The following RASEF variants were observed in gnomAD, a reference collection of about 807,000 sequenced individuals.
The protein encoded by RASEF is RAS and EF-hand domain containing.
Under a neutral mutation model 90.1 loss-of-function variants are expected in RASEF, and 68 were observed. The observed-to-expected ratio is 0.75, with a 90% confidence interval of 0.62 to 0.92. RASEF has a LOEUF of 0.92. Among genes scored for constraint, RASEF ranks in the 40% least tolerant of loss-of-function variants. RASEF has a pLI of 0.00. For synonymous variants in RASEF, 331 were observed against 345.2 expected, an observed-to-expected ratio of 0.96 and a Z score of 0.46; for missense variants, 949 against 937.2, an observed-to-expected ratio of 1.01 and a Z score of -0.16.
chr9:83,171,723 C>A, the RASEF span, among the ~76,000 whole-genome samples: 830 of 151,834 alleles, frequency 5.5e-3, 5 homozygotes, highest in African/African-American at 0.019. Context: ...TATAGTTGCT[C>A]ATAATAATCT....
the RASEF span, among the ~76,000 whole-genome samples, chr9:83,152,585 G>A: frequency 6.6e-6 from 1 of 152,164 alleles, no homozygotes; most frequent in Non-Finnish European, 1.5e-5. Context: ...AAATGAAAAT[G>A]TTGTATGGGG....
intron 1 of RASEF, 116 bp from the exon 2 acceptor site, chr9:83,026,037 T>G (rs1171251679): frequency 1.3e-6 from 1 of 770,986 alleles, no homozygotes; most frequent in Non-Finnish European, 2.0e-6. Flanking sequence ...AAACCAGCAA[T>G]CACAGAATGA....
the RASEF span, among the ~76,000 whole-genome samples, chr9:83,087,925 A>C: frequency 6.6e-6 from 1 of 152,058 alleles, no homozygotes; most frequent in Non-Finnish European, 1.5e-5. Flanking sequence ...TGCATACCAT[A>C]AGGTTTGGTA....
Position 82,982,460 on chromosome 9 carries a change from C to G in RASEF, c.*217G>C. The G allele has an allele frequency of 2.2e-6, 1 of 453,430 alleles. No individual in the cohort carries two copies. The highest frequency in any genetic ancestry group is 3.7e-5 in the East Asian group (1 of 26,688). 28.1% of individuals were successfully genotyped at this position (453,430 alleles called of 1,614,324 possible). On this transcript the variant is annotated 3_prime_UTR_variant, in exon 17 of 17. Transcript: ENST00000376447. Reference sequence around the variant, plus strand: ...TCTTTTAAGACCTGTAAGGACATGACTAGTCTATTTAGCCAGAGGGCCCAA... The same window carrying G: ...TCTTTTAAGACCTGTAAGGACATGAGTAGTCTATTTAGCCAGAGGGCCCAA...
At position 83,062,772 on chromosome 9, in the gene RASEF, C is replaced by T. The variant is rs1284629911; in HGVS notation, c.96G>A (p.Glu32=). Reference sequence around the variant, plus strand: ...GCAGCTCCGTGCACAGTGCCCGGAACTCCTCGCGCTCCAGGCGCCCCGAGC... The same window carrying T: ...GCAGCTCCGTGCACAGTGCCCGGAATTCCTCGCGCTCCAGGCGCCCCGAGC... The part of the protein sequence containing the change: ...ANRSGRLERE[E]FRALCTELRV... The change falls in exon 1 of 17, where the codon GAG becomes GAA. Residue 32 remains glutamate (E), a synonymous_variant. Transcript: ENST00000376447. 2 of 1,558,796 alleles carry T rather than the reference C, an allele frequency of 1.3e-6. No individual in the cohort carries two copies. Among genetic ancestry groups the T allele is most frequent in the African/African-American group, 1.4e-5 (1 of 72,756 alleles).
the RASEF span, among the ~76,000 whole-genome samples, chr9:83,098,413 G>A: frequency 6.6e-6 from 1 of 152,146 alleles, no homozygotes; most frequent in Non-Finnish European, 1.5e-5. Context: ...ACGATTTTAT[G>A]TGATTTTTCT....
intron 1 of RASEF, among the ~76,000 whole-genome samples, chr9:83,035,220 G>A (rs543695391): frequency 6.6e-6 from 1 of 152,292 alleles, no homozygotes; most frequent in South Asian, 2.1e-4. Context: ...TGGCTTTGCA[G>A]GACATACTAT....
chr9:83,139,665 G>A, the RASEF span, among the ~76,000 whole-genome samples: 1 of 151,958 alleles, frequency 6.6e-6, no homozygotes, highest in South Asian at 2.1e-4. Context: ...TGGCAGAGGC[G>A]GAAGAAAATC....
At chr9:83,176,736 C>A in the RASEF span, among the ~76,000 whole-genome samples, 1 of 151,914 alleles carries the variant, frequency 6.6e-6, no homozygotes, top group African/African-American at 2.4e-5. Flanking sequence ...CAAGTGAGAC[C>A]TATAAATGTT....
chr9:83,074,435 G>A, the RASEF span, among the ~76,000 whole-genome samples: 1 of 152,092 alleles, frequency 6.6e-6, no homozygotes, highest in African/African-American at 2.4e-5. Flanking sequence ...GAATACCTAA[G>A]TTAAAAACCA....
the RASEF span, among the ~76,000 whole-genome samples, chr9:83,156,065 C>T: frequency 2.6e-5 from 4 of 152,208 alleles, no homozygotes; most frequent in Admixed American, 2.6e-4. Flanking sequence ...ATGTCACAAA[C>T]TTATGGCCCA....
At chr9:83,089,282 A>G in the RASEF span, among the ~76,000 whole-genome samples, 4 of 135,688 alleles carry the variant, frequency 2.9e-5, no homozygotes, top group Non-Finnish European at 5.9e-5. Context: ...TGTTTTACAT[A>G]GAGTTTTAAA....
chr9:83,140,187 A>G, the RASEF span, among the ~76,000 whole-genome samples: 5 of 152,170 alleles, frequency 3.3e-5, no homozygotes, highest in Admixed American at 3.3e-4. Flanking sequence ...GTGCTTCATT[A>G]CTAGACTGAT....
At chr9:83,096,922 G>T in the RASEF span, among the ~76,000 whole-genome samples, 1 of 151,880 alleles carries the variant, frequency 6.6e-6, no homozygotes, top group Non-Finnish European at 1.5e-5. Context: ...TGAGAATGAT[G>T]GTTTCCAGCT....
At chr9:83,168,653 G>T in the RASEF span, among the ~76,000 whole-genome samples, 1 of 152,084 alleles carries the variant, frequency 6.6e-6, no homozygotes, top group Non-Finnish European at 1.5e-5. Context: ...ATGGGCAGAA[G>T]ATCTGAATAG....
At chr9:83,023,350 A>C (rs1008108220) in intron 2 of RASEF, among the ~76,000 whole-genome samples, 3 of 152,210 alleles carry the variant, frequency 2.0e-5, no homozygotes, top group African/African-American at 7.2e-5. Flanking sequence ...CTAAACCATG[A>C]GCTTTAGAGG....
At chr9:83,092,310 T>C in the RASEF span, among the ~76,000 whole-genome samples, 2 of 152,162 alleles carry the variant, frequency 1.3e-5, no homozygotes, top group Non-Finnish European at 2.9e-5. Context: ...TCTCACTGAC[T>C]TCAAGAATGA....
chr9:83,086,859 T>A, the RASEF span, among the ~76,000 whole-genome samples: 1 of 152,138 alleles, frequency 6.6e-6, no homozygotes, highest in Non-Finnish European at 1.5e-5. Context: ...AGGATGGAGC[T>A]ATCTATCACC....
At chr9:83,207,602 T>C in the RASEF span, among the ~76,000 whole-genome samples, 1 of 97,532 alleles carries the variant, frequency 1.0e-5, no homozygotes, top group Non-Finnish European at 2.0e-5. Flanking sequence ...GGGCTGCTTT[T>C]TTTTTTTTTT....
Sources: allele counts gnomAD v4.1 joint callset (sites outside exome capture counted in the v4.1 genomes callset), GRCh38; gene constraint gnomAD v4.1.1; transcripts MANE v1.5; gene names NCBI Gene and HGNC (gene_info 2026-07-23, HGNC 2026-07-21).